Variants in TMEM163 observed in about 807,000 individuals in gnomAD.
TMEM163 encodes transmembrane protein 163.
In TMEM163, 17 loss-of-function variants were observed where a neutral mutation model predicts 29.3. The observed-to-expected ratio is 0.58, with a 90% CI of 0.40 to 0.87. The LOEUF (loss-of-function observed/expected upper bound fraction) is 0.87. Ranked by LOEUF, TMEM163 falls within the 40% of genes least tolerant of loss-of-function variation. The pLI, the probability that TMEM163 is intolerant of heterozygous loss-of-function variation, is 0.00. For synonymous variants in TMEM163, 157 were observed against 160.6 expected, an observed-to-expected ratio of 0.98 and a Z score of 0.17; for missense variants, 303 against 381.5, an observed-to-expected ratio of 0.79 and a Z score of 1.71.
intron 7 of TMEM163, 52 bp downstream of exon 7, chr2:134,457,980 A>T (rs1311898705): frequency 1.2e-6 from 2 of 1,610,172 alleles, no homozygotes; most frequent in African/African-American, 2.7e-5. Context: ...GGCGGTGGAA[A>T]AGGGACACTC....
At chr2:134,618,044 G>GT (rs1182889888) in intron 2 of TMEM163, among the ~76,000 whole-genome samples, 2 of 152,046 alleles carry the variant, frequency 1.3e-5, no homozygotes, top group Non-Finnish European at 2.9e-5. Context: ...AGCCCAGGAA[G>GT]TTGAGGCTGC....
At chr2:134,646,362 G>A (rs1251195683) in intron 2 of TMEM163, among the ~76,000 whole-genome samples, 1 of 152,116 alleles carries the variant, frequency 6.6e-6, no homozygotes, top group African/African-American at 2.4e-5. Context: ...TGGGATTACA[G>A]GCATGAGCCA....
chr2:134,695,451 AAG>A (rs1357434380), intron 2 of TMEM163, among the ~76,000 whole-genome samples: 2 of 152,042 alleles, frequency 1.3e-5, no homozygotes, highest in South Asian at 2.1e-4. Flanking sequence ...ACAAGCAAAA[AAG>A]AGCCAACATA....
At chr2:134,475,039 T>C (rs930067814) in intron 5 of TMEM163, among the ~76,000 whole-genome samples, 4 of 152,158 alleles carry the variant, frequency 2.6e-5, no homozygotes, top group African/African-American at 9.7e-5. Flanking sequence ...TAAAGTGATT[T>C]TGAAAAAGAA....
At chr2:134,560,601 G>C (rs563776834) in intron 2 of TMEM163, among the ~76,000 whole-genome samples, 1 of 152,208 alleles carries the variant, frequency 6.6e-6, no homozygotes, top group South Asian at 2.1e-4. Context: ...GGGACAGCTT[G>C]AAGCATTTGC....
At chr2:134,475,336 TC>T (rs1332941196) in intron 5 of TMEM163, among the ~76,000 whole-genome samples, 5 of 152,168 alleles carry the variant, frequency 3.3e-5, no homozygotes, top group East Asian at 3.8e-4. Flanking sequence ...TAAATCCTGA[TC>T]CTTATTTCAC....
chr2:134,551,214 T>A (rs893275488), intron 3 of TMEM163, among the ~76,000 whole-genome samples: 1 of 151,764 alleles, frequency 6.6e-6, no homozygotes, highest in Admixed American at 6.6e-5. Context: ...AGGTGTGTGT[T>A]TGTGTGTTTC....
intron 2 of TMEM163, among the ~76,000 whole-genome samples, chr2:134,633,859 G>A (rs975433391): frequency 6.6e-6 from 1 of 151,064 alleles, no homozygotes; most frequent in African/African-American, 2.4e-5. Context: ...CTACTCGGGA[G>A]GCTGAGGTGG....
chr2:134,502,970 G>A lies in TMEM163; in HGVS notation c.486C>T (p.Phe162=). ...YIACVILGVI[F]LLSSICIVVK... is the part of the protein sequence containing the mutation. ...CCACTATACATATGGATGACAGAAG[G>A]AATATCACCCCCAAGATGACACAGG... The change falls in exon 5 of 8, where the codon TTC becomes TTT. Residue 162 remains phenylalanine (F), a synonymous_variant. Coordinates refer to ENST00000281924, the MANE Select transcript of TMEM163 (RefSeq NM_030923.5). The A allele has an allele frequency of 6.2e-7, 1 of 1,613,816 alleles. No homozygotes were observed. Among genetic ancestry groups the A allele is most frequent in the Non-Finnish European group, 8.5e-7 (1 of 1,179,892 alleles).
At chr2:134,512,347 TACTC>T (rs1334335963) in intron 4 of TMEM163, among the ~76,000 whole-genome samples, 1 of 152,094 alleles carries the variant, frequency 6.6e-6, no homozygotes, top group Non-Finnish European at 1.5e-5. Flanking sequence ...AGTCCCAGCT[TACTC>T]AGGAAGCTGA....
intron 2 of TMEM163, among the ~76,000 whole-genome samples, chr2:134,696,076 A>G (rs1354200982): frequency 6.6e-6 from 1 of 151,608 alleles, no homozygotes; most frequent in East Asian, 1.9e-4. Context: ...AAAGGTTTAA[A>G]TTCTTTCTTT....
chr2:134,493,564 G>A (rs1679477094), intron 5 of TMEM163, among the ~76,000 whole-genome samples: 1 of 151,810 alleles, frequency 6.6e-6, no homozygotes, highest in Non-Finnish European at 1.5e-5. Flanking sequence ...AGTAGAGACA[G>A]GGTTTCACCA....
At chr2:134,457,903 T>C in intron 7 of TMEM163, 129 bp downstream of exon 7, 2 of 1,443,594 alleles carry the variant, frequency 1.4e-6, no homozygotes, top group South Asian at 2.6e-5. Flanking sequence ...CTGACACTGG[T>C]CAGGCTCAGG....
chr2:134,661,207 A>ATCAC (rs905913429), intron 2 of TMEM163, among the ~76,000 whole-genome samples: 2 of 152,138 alleles, frequency 1.3e-5, no homozygotes, highest in African/African-American at 2.4e-5. Flanking sequence ...AAGAGAAGGC[A>ATCAC]TGTGATGCCT....
Position 134,528,263 on chromosome 2 carries a change from G to A in TMEM163, c.458+22307C>T, listed in dbSNP as rs187143980. 2.3e-4 allele frequency among the ~76,000 whole-genome samples: 35 copies of A among 152,296 alleles called. No homozygotes were observed. In the East Asian group the frequency reaches 5.6e-3, roughly 24 times the overall value. The stretch of plus-strand genomic sequence containing the variant: ...AAGCAGATCTTAGAAATTCAAGACC[G>A]ATGAAAGGCTTACTTCAATTATCAG... On this transcript the variant is annotated intron_variant, in intron 4 of 7. Coordinates refer to ENST00000281924, the MANE Select transcript of TMEM163 (RefSeq NM_030923.5).
At chr2:134,516,547 C>G (rs994518924) in intron 4 of TMEM163, among the ~76,000 whole-genome samples, 1 of 150,950 alleles carries the variant, frequency 6.6e-6, no homozygotes. Context: ...GGCAACAGAA[C>G]AAGACCCTGT....
chr2:134,694,443 A>G (rs986998492), intron 2 of TMEM163, among the ~76,000 whole-genome samples: 1 of 152,234 alleles, frequency 6.6e-6, no homozygotes, highest in African/African-American at 2.4e-5. Flanking sequence ...TGTCATTATC[A>G]TGGTGACTTT....
chr2:134,586,777 G>A (rs1681831945), intron 2 of TMEM163, among the ~76,000 whole-genome samples: 1 of 152,202 alleles, frequency 6.6e-6, no homozygotes, highest in African/African-American at 2.4e-5. Flanking sequence ...AAGCACCAGT[G>A]TGGGCTGTTA....
intron 2 of TMEM163, among the ~76,000 whole-genome samples, chr2:134,606,565 C>A (rs1682368178): frequency 6.6e-6 from 1 of 152,184 alleles, no homozygotes; most frequent in South Asian, 2.1e-4. Flanking sequence ...CGCCTCCATC[C>A]CCCTGGAAGA....
Sources: gnomAD v4.1 joint callset for allele counts (sites outside exome capture counted in the v4.1 genomes callset) on GRCh38, gnomAD v4.1.1 for gene constraint, MANE v1.5 for transcripts, NCBI Gene and HGNC (gene_info 2026-07-23, HGNC 2026-07-21) for gene names.